Variants in KIAA0825 observed in about 807,000 individuals in gnomAD.
KIAA0825 encodes uncharacterized protein KIAA0825.
A neutral mutation model predicts 147.6 loss-of-function variants in KIAA0825; 119 were observed. The ratio of observed to expected loss-of-function variants is 0.81; its 90% CI spans 0.69 to 0.94. The LOEUF (loss-of-function observed/expected upper bound fraction) is 0.94. Ranked by LOEUF, KIAA0825 falls within the 40% of genes least tolerant of loss-of-function variation. The pLI, the probability that KIAA0825 is intolerant of heterozygous loss-of-function variation, is 0.00. For synonymous variants in KIAA0825, 470 were observed against 518.1 expected, an observed-to-expected ratio of 0.91 and a Z score of 1.26; for missense variants, 1,381 against 1,472.7, an observed-to-expected ratio of 0.94 and a Z score of 1.02.
At chr5:94,368,759 A>G (rs1746239385) in intron 20 of KIAA0825, among the ~76,000 whole-genome samples, 1 of 152,270 alleles carries the variant, frequency 6.6e-6, no homozygotes, top group Non-Finnish European at 1.5e-5. Flanking sequence ...GGCTAAGGCC[A>G]GCAGCCTGTT....
chr5:94,448,051 C>T (rs1352267908), intron 13 of KIAA0825, among the ~76,000 whole-genome samples: 2 of 151,616 alleles, frequency 1.3e-5, no homozygotes, highest in East Asian at 3.9e-4. Context: ...TATAATGCAA[C>T]ATATTATAAT....
rs752387330 is a variant in KIAA0825, at chr5:94,520,901, T to C, written c.317A>G (p.Asn106Ser). Residue 106 changes from asparagine (N) to serine (S), a missense_variant, in exon 5 of 21, where the codon AAT (asparagine) becomes AGT (serine). Coordinates refer to ENST00000682413, the MANE Select transcript of KIAA0825 (RefSeq NM_001145678.3). ...FFKTLQDLLK[N>S]EQNQEEMTLD... ...TGTCATTTCTTCTTGATTTTGTTCA[T>C]TCTTCAACAAATCTTGCTAATGAAA... 15 of 1,591,966 alleles carry C rather than the reference T, an allele frequency of 9.4e-6. No individual in the cohort carries two copies. The African/African-American group carries it at 1.9e-4, about 20-fold the overall frequency.
intron 20 of KIAA0825, among the ~76,000 whole-genome samples, chr5:94,365,986 G>T (rs1010707843): frequency 9.2e-5 from 14 of 152,036 alleles, no homozygotes; most frequent in Non-Finnish European, 1.5e-4. Context: ...TGATAAACTG[G>T]CTCATATGGT....
chr5:94,514,723 G>C (rs1017657379), intron 5 of KIAA0825, among the ~76,000 whole-genome samples: 2 of 152,134 alleles, frequency 1.3e-5, no homozygotes, highest in Non-Finnish European at 2.9e-5. Flanking sequence ...GAGTAGAAGA[G>C]AGAACTGAGT....
intron 20 of KIAA0825, among the ~76,000 whole-genome samples, chr5:94,244,119 G>A (rs1775487664): frequency 2.0e-5 from 3 of 152,270 alleles, no homozygotes; most frequent in Admixed American, 2.0e-4. Context: ...CTAACCATAT[G>A]AAGAAGGTCT....
At chr5:94,545,438 G>A (rs1774161333) in intron 2 of KIAA0825, among the ~76,000 whole-genome samples, 1 of 152,148 alleles carries the variant, frequency 6.6e-6, no homozygotes. Context: ...GCTCACAGCT[G>A]CAAAAGATAC....
rs925953770 is a variant in KIAA0825, at chr5:94,408,814, A to G, written c.2663-5021T>C. Among the ~76,000 whole-genome samples, 6 of 152,286 alleles carry G rather than the reference A, an allele frequency of 3.9e-5. No individual in the cohort carries two copies. In the East Asian group the frequency reaches 1.2e-3, roughly 29 times the overall value. Reference sequence around the variant, plus strand: ...ACGTACACTATGAAAATACCTTAAAACTATTTAAAAAATCAATTTCTGGTG... The same window carrying G: ...ACGTACACTATGAAAATACCTTAAAGCTATTTAAAAAATCAATTTCTGGTG... On this transcript the variant is annotated intron_variant, in intron 15 of 20. Coordinates refer to ENST00000682413, the MANE Select transcript of KIAA0825 (RefSeq NM_001145678.3).
At chr5:94,262,599 TA>T (rs1055853689) in intron 20 of KIAA0825, among the ~76,000 whole-genome samples, 3 of 152,154 alleles carry the variant, frequency 2.0e-5, no homozygotes, top group Non-Finnish European at 4.4e-5. Flanking sequence ...AGGAAGTGGT[TA>T]AAAAAGAGTA....
intron 1 of KIAA0825, among the ~76,000 whole-genome samples, chr5:94,603,095 G>A (rs916294074): frequency 6.6e-6 from 1 of 152,056 alleles, no homozygotes; most frequent in African/African-American, 2.4e-5. Context: ...CCAAAGTGCT[G>A]GGATTACAGG....
At chr5:94,290,683 G>T (rs910942871) in intron 20 of KIAA0825, among the ~76,000 whole-genome samples, 1 of 152,094 alleles carries the variant, frequency 6.6e-6, no homozygotes, top group Non-Finnish European at 1.5e-5. Context: ...GGAATTTCTG[G>T]TTTTAGATCC....
At chr5:94,434,751 A>G (rs956775993) in intron 14 of KIAA0825, among the ~76,000 whole-genome samples, 2 of 152,130 alleles carry the variant, frequency 1.3e-5, no homozygotes, top group Non-Finnish European at 2.9e-5. Context: ...AAGTGGGCTA[A>G]ACTCATCCTT....
In KIAA0825 at chr5:94,417,152, T is replaced by C. The variant is rs1267139524; in HGVS notation, c.2662+49A>G. On this transcript the variant is annotated intron_variant, in intron 15 of 20. Transcript: ENST00000682413. The stretch of plus-strand genomic sequence containing the variant: ...ACTTCTAAACATCTTTAAAGGTACA[T>C]ATAAGTATCTATAGAACATTTCTTT... 9 of 1,488,504 alleles carry C rather than the reference T, an allele frequency of 6.0e-6. No individual in the cohort carries two copies. The African/African-American group carries it at 7.0e-5, about 12-fold the overall frequency. The allele number at this position is 1,488,504 out of a possible 1,614,324, so 92.2% of individuals were successfully genotyped here. A position where few individuals can be genotyped will look rare whatever the true frequency, so the allele number is the denominator to read the frequency against.
At chr5:94,511,027 G>A (rs1425392040) in intron 5 of KIAA0825, among the ~76,000 whole-genome samples, 1 of 152,124 alleles carries the variant, frequency 6.6e-6, no homozygotes, top group African/African-American at 2.4e-5. Context: ...GGGAGGGATA[G>A]GTGATGGGAG....
At chr5:94,230,379 C>G (rs534924784) in intron 20 of KIAA0825, among the ~76,000 whole-genome samples, 1 of 152,284 alleles carries the variant, frequency 6.6e-6, no homozygotes, top group East Asian at 1.9e-4. Flanking sequence ...AAACTTCCAA[C>G]TTTCTACTAT....
At chr5:94,555,585 A>G (rs1047889118) in intron 2 of KIAA0825, among the ~76,000 whole-genome samples, 1 of 152,234 alleles carries the variant, frequency 6.6e-6, no homozygotes, top group Non-Finnish European at 1.5e-5. Context: ...AGGATCAGTC[A>G]GAATACACTA....
chr5:94,593,065 A>C, intron 1 of KIAA0825: 1 of 699,790 alleles, frequency 1.4e-6, no homozygotes, highest in South Asian at 1.4e-5. Context: ...TCAATTTCTT[A>C]CTCTTCATAA....
At chr5:94,440,877 G>C (rs192603651) in intron 13 of KIAA0825, among the ~76,000 whole-genome samples, 2 of 152,118 alleles carry the variant, frequency 1.3e-5, no homozygotes, top group African/African-American at 4.8e-5. Context: ...CTAAAATTTA[G>C]ATTGGCTAAC....
At chr5:94,465,096 A>G (rs932845627) in intron 10 of KIAA0825, 37 bp from the exon 11 acceptor site, 9 of 1,521,064 alleles carry the variant, frequency 5.9e-6, no homozygotes, top group Non-Finnish European at 8.0e-6. Flanking sequence ...ATAGAGTTAC[A>G]TCTTCTAAAA....
chr5:94,471,540 TG>T lies in KIAA0825; in HGVS notation c.1646del (p.Thr549AsnfsTer19). The T allele has an allele frequency of 6.4e-7, 1 of 1,552,038 alleles. No homozygotes were observed. The highest frequency in any genetic ancestry group is 8.7e-7 in the Non-Finnish European group (1 of 1,147,058). The stretch of plus-strand genomic sequence containing the variant: ...AGACATACACCGCTGTGGAGAGGTA[TG>T]TGTGCAAGTTTTTCAGGGGTGCTTT... ...PSKAPLKNLH[T>X]YLSTAVYVFQ... is the part of the protein sequence containing the mutation. On this transcript the variant is annotated frameshift_variant, in exon 9 of 21. Coordinates refer to ENST00000682413, the MANE Select transcript of KIAA0825 (RefSeq NM_001145678.3). LOFTEE classifies it high-confidence loss of function.
Sources: gnomAD v4.1 joint callset for allele counts (sites outside exome capture counted in the v4.1 genomes callset) on GRCh38, gnomAD v4.1.1 for gene constraint, MANE v1.5 for transcripts, NCBI Gene and HGNC (gene_info 2026-07-23, HGNC 2026-07-21) for gene names.